Variants in MSRA observed in about 807,000 individuals in gnomAD.
MSRA encodes mitochondrial peptide methionine sulfoxide reductase.
A neutral mutation model predicts 31.3 loss-of-function variants in MSRA; 54 were observed. The ratio of observed to expected loss-of-function variants is 1.73; its 90% CI spans 1.39 to 2.17. The LOEUF (loss-of-function observed/expected upper bound fraction) is 2.17. MSRA is among the 30% of genes most tolerant of loss of function. The pLI is 0.00. For missense variants in MSRA, 507 were observed against 300.9 expected, an observed-to-expected ratio of 1.69 and a Z score of -5.07; for synonymous variants, 169 against 116.5, an observed-to-expected ratio of 1.45 and a Z score of -2.90.
At chr8:10,055,438 C>G (rs945892207) in intron 1 of MSRA, among the ~76,000 whole-genome samples, 2 of 152,252 alleles carry the variant, frequency 1.3e-5, no homozygotes, top group Non-Finnish European at 2.9e-5. Flanking sequence ...TTTCCCAGAA[C>G]GAGGGCCACA....
chr8:10,205,244 G>A (rs1053677040), intron 1 of MSRA, among the ~76,000 whole-genome samples: 6 of 152,056 alleles, frequency 3.9e-5, no homozygotes, highest in South Asian at 2.1e-4. Context: ...GGCAGATGTC[G>A]GAGTCCGGAA....
At chr8:10,095,564 G>A in intron 1 of MSRA, 1 of 985,750 alleles carries the variant, frequency 1.0e-6, no homozygotes, top group African/African-American at 1.7e-5. Flanking sequence ...GTGAGAGAGA[G>A]AAAGAGGGAG....
chr8:10,392,890 CAAAA>C (rs869085304), intron 5 of MSRA, among the ~76,000 whole-genome samples: 10 of 113,272 alleles, frequency 8.8e-5, no homozygotes, highest in African/African-American at 3.9e-4. Context: ...ACTAAAAATG[CAAAA>C]AAAAAAAAAA....
At chr8:10,220,140 T>G (rs761160452) in intron 2 of MSRA, among the ~76,000 whole-genome samples, 1 of 152,220 alleles carries the variant, frequency 6.6e-6, no homozygotes, top group Non-Finnish European at 1.5e-5. Flanking sequence ...CATTGTATTA[T>G]TCTATGTCCA....
In MSRA at chr8:10,366,543, G is replaced by A. The variant is rs576364366; in HGVS notation, c.543+46554G>A. ...GTCTTGATGTGAGGGTCAGCGATGG[G>A]AGCTGTGGTGATCTTTTGGTCTGGT... is the stretch of plus-strand genomic sequence containing the variant. On this transcript the variant is annotated intron_variant, in intron 5 of 5. Transcript: ENST00000317173. Among the ~76,000 whole-genome samples, 17 of 152,362 alleles carry A rather than the reference G, an allele frequency of 1.1e-4. No individual in the cohort carries two copies. The South Asian group carries it at 3.5e-3, about 32-fold the overall frequency.
At chr8:10,205,249 C>A (rs1056955276) in intron 1 of MSRA, among the ~76,000 whole-genome samples, 1 of 151,456 alleles carries the variant, frequency 6.6e-6, no homozygotes, top group African/African-American at 2.4e-5. Context: ...ATGTCGGAGT[C>A]CGGAAAAAGG....
intron 5 of MSRA, among the ~76,000 whole-genome samples, chr8:10,383,653 A>T (rs957556924): frequency 1.3e-5 from 2 of 152,200 alleles, no homozygotes; most frequent in African/African-American, 4.8e-5. Context: ...AAAGTACCTT[A>T]TTCCAGGAAG....
intron 5 of MSRA, chr8:10,337,650 T>C (rs1300488250): frequency 1.4e-6 from 1 of 689,854 alleles, no homozygotes; most frequent in East Asian, 2.7e-5. Flanking sequence ...TTTTCCTTGA[T>C]AGTGTCATCC....
chr8:10,111,279 A>G (rs1232015332), intron 1 of MSRA, among the ~76,000 whole-genome samples: 1 of 152,154 alleles, frequency 6.6e-6, no homozygotes, highest in African/African-American at 2.4e-5. Context: ...TCTCCAGAGC[A>G]CTTATGTGGT....
At chr8:10,129,050 C>G (rs957129466) in intron 1 of MSRA, among the ~76,000 whole-genome samples, 1 of 152,170 alleles carries the variant, frequency 6.6e-6, no homozygotes, top group Non-Finnish European at 1.5e-5. Context: ...AAGATGGTAT[C>G]TCAACTCTTC....
chr8:10,427,801 T>C (rs1428190192), intron 5 of MSRA, among the ~76,000 whole-genome samples: 2 of 152,178 alleles, frequency 1.3e-5, no homozygotes, highest in African/African-American at 4.8e-5. Context: ...TTACCTGCTG[T>C]TTCCCCTGGG....
At chr8:10,363,991 G>A (rs1186091638) in intron 5 of MSRA, among the ~76,000 whole-genome samples, 1 of 152,140 alleles carries the variant, frequency 6.6e-6, no homozygotes, top group Non-Finnish European at 1.5e-5. Flanking sequence ...CTGAGGGTGG[G>A]AGTAGGGGTC....
At chr8:10,149,287 A>G (rs995794330) in intron 1 of MSRA, among the ~76,000 whole-genome samples, 1 of 151,974 alleles carries the variant, frequency 6.6e-6, no homozygotes, top group African/African-American at 2.4e-5. Context: ...ATGCCCAGCT[A>G]AGTTTTTGTA....
At chr8:10,149,636 T>C (rs2129035846) in intron 1 of MSRA, among the ~76,000 whole-genome samples, 1 of 152,208 alleles carries the variant, frequency 6.6e-6, no homozygotes, top group Admixed American at 6.5e-5. Context: ...GTATTAATTG[T>C]GTGTCTACCT....
intron 1 of MSRA, among the ~76,000 whole-genome samples, chr8:10,204,088 CAG>C (rs1276022105): frequency 6.6e-6 from 1 of 151,686 alleles, no homozygotes; most frequent in Non-Finnish European, 1.5e-5. Flanking sequence ...ATTTTAAAAA[CAG>C]GAAGAGCTTA....
At chr8:10,305,774 C>A (rs755078607) in intron 4 of MSRA, among the ~76,000 whole-genome samples, 2 of 152,048 alleles carry the variant, frequency 1.3e-5, no homozygotes, top group Non-Finnish European at 2.9e-5. Context: ...AAGGTGTAGG[C>A]TTTTTAAGGT....
intron 1 of MSRA, among the ~76,000 whole-genome samples, chr8:10,073,431 G>A (rs923224223): frequency 6.6e-6 from 1 of 152,166 alleles, no homozygotes; most frequent in Non-Finnish European, 1.5e-5. Context: ...CACCAGAATC[G>A]AGTAGTTGTG....
chr8:10,257,633 C>G (rs973450188), intron 3 of MSRA, among the ~76,000 whole-genome samples: 3 of 152,138 alleles, frequency 2.0e-5, no homozygotes, highest in Non-Finnish European at 2.9e-5. Flanking sequence ...GTCTCAAACT[C>G]CTGATCCCAG....
intron 2 of MSRA, among the ~76,000 whole-genome samples, chr8:10,242,382 C>T (rs1797380473): frequency 6.6e-6 from 1 of 152,070 alleles, no homozygotes; most frequent in Non-Finnish European, 1.5e-5. Flanking sequence ...GAAGTGATTA[C>T]TGTGAAAGTC....
Sources: allele counts gnomAD v4.1 joint callset (sites outside exome capture counted in the v4.1 genomes callset), GRCh38; gene constraint gnomAD v4.1.1; transcripts MANE v1.5; gene names NCBI Gene and HGNC (gene_info 2026-07-23, HGNC 2026-07-21).